The following AGBL4 variants were observed in gnomAD, a reference collection of about 807,000 sequenced individuals.
AGBL4 encodes cytosolic carboxypeptidase 6.
In AGBL4, 58 loss-of-function variants were observed where a neutral mutation model predicts 66.4. The observed-to-expected ratio is 0.87, with a 90% CI of 0.71 to 1.09. The LOEUF (loss-of-function observed/expected upper bound fraction) is 1.09, where lower values mean the gene tolerates loss of function less well. Ranked by LOEUF, AGBL4 falls within the 50% of genes least tolerant of loss-of-function variation. The pLI is 0.00. For synonymous variants in AGBL4, 234 were observed against 222.9 expected (o/e 1.05, Z -0.44); for missense variants, 579 against 631.0 (o/e 0.92, Z 0.88).
intron 5 of AGBL4, among the ~76,000 whole-genome samples, chr1:48,947,290 G>A: frequency 6.6e-6 from 1 of 152,194 alleles, no homozygotes; most frequent in Non-Finnish European, 1.5e-5. Context: ...CTTAATGTTT[G>A]TCTACTTTGC....
chr1:49,684,621 C>G (rs1226499296), intron 3 of AGBL4, among the ~76,000 whole-genome samples: 1 of 152,162 alleles, frequency 6.6e-6, no homozygotes, highest in Non-Finnish European at 1.5e-5. Context: ...CTACCCCATT[C>G]TAAGGCCAAC....
At chr1:49,327,468 A>G (rs72684868) in intron 3 of AGBL4, among the ~76,000 whole-genome samples, 7 of 152,318 alleles carry the variant, frequency 4.6e-5, no homozygotes, top group Admixed American at 6.5e-5. Flanking sequence ...TAAACAATAG[A>G]ATTTTATTTC....
intron 2 of AGBL4, among the ~76,000 whole-genome samples, chr1:49,725,328 A>G (rs1255752389): frequency 4.6e-5 from 7 of 152,196 alleles, no homozygotes; most frequent in African/African-American, 1.4e-4. Context: ...TTTTCTGGCT[A>G]CAAATTGTTT....
intron 5 of AGBL4, among the ~76,000 whole-genome samples, chr1:48,875,045 A>T (rs897407433): frequency 6.6e-6 from 1 of 152,174 alleles, no homozygotes; most frequent in Non-Finnish European, 1.5e-5. Context: ...CCAATGAAGC[A>T]TTTGCTATGT....
the AGBL4 span, among the ~76,000 whole-genome samples, chr1:48,524,745 T>A: frequency 1.5e-4 from 23 of 152,142 alleles, no homozygotes; most frequent in Non-Finnish European, 2.5e-4. Flanking sequence ...AAGTTATTCA[T>A]ATAAGATGTT....
chr1:49,057,289 G>A (rs1027339500), intron 4 of AGBL4, among the ~76,000 whole-genome samples: 4 of 152,088 alleles, frequency 2.6e-5, no homozygotes, highest in African/African-American at 7.2e-5. Context: ...GCGGTGGCAC[G>A]AACCTATAGT....
At chr1:49,466,549 A>G (rs1439016675) in intron 3 of AGBL4, among the ~76,000 whole-genome samples, 1 of 151,802 alleles carries the variant, frequency 6.6e-6, no homozygotes, top group Admixed American at 6.6e-5. Context: ...TGCAATTGCC[A>G]TCCCCTGCCA....
intron 5 of AGBL4, among the ~76,000 whole-genome samples, chr1:48,962,527 G>C (rs1571108717): frequency 6.6e-6 from 1 of 152,178 alleles, no homozygotes; most frequent in African/African-American, 2.4e-5. Context: ...CATGTAACTA[G>C]AGCAATTAGG....
chr1:49,227,722 TC>T (rs1220399328), intron 4 of AGBL4, among the ~76,000 whole-genome samples: 2 of 152,210 alleles, frequency 1.3e-5, no homozygotes, highest in Non-Finnish European at 1.5e-5. Context: ...TAATACAATA[TC>T]AATATTTTCC....
intron 3 of AGBL4, among the ~76,000 whole-genome samples, chr1:49,481,977 A>G (rs1045188335): frequency 6.7e-6 from 1 of 150,256 alleles, no homozygotes; most frequent in Non-Finnish European, 1.5e-5. Flanking sequence ...GAGGAAGCCT[A>G]CTAGATCGTG....
At chr1:49,270,810 T>C (rs1044693144) in intron 3 of AGBL4, among the ~76,000 whole-genome samples, 5 of 152,210 alleles carry the variant, frequency 3.3e-5, no homozygotes, top group Non-Finnish European at 5.9e-5. Flanking sequence ...ATAGGTCCTT[T>C]AAGTTTGACT....
chr1:49,578,767 T>C (rs1461750717), intron 3 of AGBL4, among the ~76,000 whole-genome samples: 1 of 152,204 alleles, frequency 6.6e-6, no homozygotes, highest in Non-Finnish European at 1.5e-5. Context: ...TTTTGCTGTC[T>C]TTATTTGAAG....
intron 4 of AGBL4, among the ~76,000 whole-genome samples, chr1:49,077,905 A>G (rs1399346323): frequency 6.6e-6 from 1 of 152,168 alleles, no homozygotes; most frequent in Non-Finnish European, 1.5e-5. Flanking sequence ...TAATGTTAAT[A>G]TTAACAGTCA....
chr1:49,804,793 C>T (rs1271757893), intron 2 of AGBL4, among the ~76,000 whole-genome samples: 1 of 152,196 alleles, frequency 6.6e-6, no homozygotes, highest in African/African-American at 2.4e-5. Flanking sequence ...ATTTGAGAAT[C>T]AGGCTTTTCA....
chr1:49,232,205 G>A (rs1293175277), intron 4 of AGBL4, among the ~76,000 whole-genome samples: 2 of 152,220 alleles, frequency 1.3e-5, no homozygotes, highest in Non-Finnish European at 2.9e-5. Flanking sequence ...GTACACTTCA[G>A]ATAAGTGAAC....
intron 6 of AGBL4, among the ~76,000 whole-genome samples, chr1:48,798,286 T>C (rs1220393671): frequency 6.6e-6 from 1 of 152,226 alleles, no homozygotes; most frequent in African/African-American, 2.4e-5. Context: ...TTTTGAGAAT[T>C]GTCTATTCAT....
intron 2 of AGBL4, among the ~76,000 whole-genome samples, chr1:49,838,862 C>A (rs1645918485): frequency 6.6e-6 from 1 of 151,948 alleles, no homozygotes; most frequent in Non-Finnish European, 1.5e-5. Context: ...AAAACTCAAC[C>A]ATATTTAATA....
At chr1:49,388,083 T>G (rs1416459538) in intron 3 of AGBL4, among the ~76,000 whole-genome samples, 1 of 152,122 alleles carries the variant, frequency 6.6e-6, no homozygotes, top group Non-Finnish European at 1.5e-5. Flanking sequence ...GTACTCAATT[T>G]ATGTCCCCCA....
At chr1:49,995,248 C>T (rs988952187) in intron 1 of AGBL4, 1 of 455,616 alleles carries the variant, frequency 2.2e-6, no homozygotes, top group African/African-American at 2.0e-5. Flanking sequence ...AGGCTTGGAG[C>T]CTGAGACAAG....
Sources: gnomAD v4.1 joint callset for allele counts (sites outside exome capture counted in the v4.1 genomes callset) on GRCh38, gnomAD v4.1.1 for gene constraint, MANE v1.5 for transcripts, NCBI Gene and HGNC (gene_info 2026-07-23, HGNC 2026-07-21) for gene names.